Variants in ROBO2 observed in about 807,000 individuals in gnomAD.
ROBO2 encodes roundabout guidance receptor 2.
A neutral mutation model predicts 160.8 loss-of-function variants in ROBO2; 53 were observed. The ratio of observed to expected loss-of-function variants is 0.33; its 90% CI spans 0.26 to 0.41. ROBO2 has a LOEUF of 0.41. Ranked by LOEUF, ROBO2 falls within the 10% of genes least tolerant of loss-of-function variation. ROBO2 has a pLI of 1.00. For missense variants in ROBO2, 1,577 were observed against 1,722.4 expected (o/e 0.92, Z 1.49); for synonymous variants, 664 against 611.7 (o/e 1.09, Z -1.26).
chr3:76,358,812 T>C (rs1256810180), intron 2 of ROBO2, among the ~76,000 whole-genome samples: 2 of 151,880 alleles, frequency 1.3e-5, no homozygotes, highest in African/African-American at 4.8e-5. Flanking sequence ...AGGGTACATG[T>C]GCACAATGTG....
At chr3:77,244,885 A>AG (rs386397109) in intron 2 of ROBO2, among the ~76,000 whole-genome samples, 1 of 150,932 alleles carries the variant, frequency 6.6e-6, no homozygotes, top group African/African-American at 2.4e-5. Flanking sequence ...CTCAAAAAAA[A>AG]AAAAAAGAAA....
In ROBO2 at chr3:76,058,589, CTTTTT is replaced by C. The variant is rs10676074; in HGVS notation, c.109+121008_109+121012del. ...CTATCACACGTCGAAACAGCAGAAA[CTTTTT>C]TTTTTTTTTTTTTTTTTTTTGCTAT... is the stretch of plus-strand genomic sequence containing the variant. On this transcript the variant is annotated intron_variant, in intron 2 of 26. Coordinates refer to the ROBO2 transcript ENST00000487694. Among the ~76,000 whole-genome samples the C allele has an allele frequency of 4.3e-3, 209 of 48,856 alleles. No individual in the cohort carries two copies. In the Middle Eastern group the frequency reaches 0.1, roughly 23 times the overall value. The allele number at this position is 48,856 out of a possible 152,430, so 32.1% of individuals were successfully genotyped here.
At chr3:75,939,085 G>C (rs75749474) in intron 2 of ROBO2, among the ~76,000 whole-genome samples, 1 of 149,532 alleles carries the variant, frequency 6.7e-6, no homozygotes, top group Admixed American at 6.7e-5. Flanking sequence ...TAGTGATCCA[G>C]CATGACGTGT....
chr3:77,646,715 A>T (rs2095414919), exon 26 of ROBO2: 1 of 152,412 alleles, frequency 6.6e-6, no homozygotes, highest in African/African-American at 2.4e-5. Context: ...CAATAAAAAA[A>T]ATAGTAGAAA....
intron 2 of ROBO2, among the ~76,000 whole-genome samples, chr3:76,441,649 AGTGT>A (rs1404808430): frequency 6.6e-6 from 1 of 151,972 alleles, no homozygotes; most frequent in Non-Finnish European, 1.5e-5. Flanking sequence ...AAACTGTGTG[AGTGT>A]GTATCCTCCC....
At chr3:77,371,114 C>G (rs2071691739) in intron 2 of ROBO2, among the ~76,000 whole-genome samples, 1 of 152,134 alleles carries the variant, frequency 6.6e-6, no homozygotes, top group South Asian at 2.1e-4. Flanking sequence ...GAAACTGAAT[C>G]AAGAATCAAA....
chr3:76,071,244 C>G (rs1413134525), intron 2 of ROBO2, among the ~76,000 whole-genome samples: 1 of 152,112 alleles, frequency 6.6e-6, no homozygotes, highest in Non-Finnish European at 1.5e-5. Flanking sequence ...TCCTCTTTGT[C>G]AAAACTGTTC....
intron 2 of ROBO2, among the ~76,000 whole-genome samples, chr3:76,735,191 C>T (rs2093689306): frequency 6.6e-6 from 1 of 152,146 alleles, no homozygotes; most frequent in South Asian, 2.1e-4. Context: ...AACCTAGGTG[C>T]TCATCAACAG....
At chr3:77,289,869 A>G (rs912070433) in intron 2 of ROBO2, among the ~76,000 whole-genome samples, 17 of 152,110 alleles carry the variant, frequency 1.1e-4, no homozygotes, top group African/African-American at 4.1e-4. Flanking sequence ...CATAAAGTAA[A>G]ATTAATGGTA....
chr3:76,509,786 T>C (rs757957718), intron 2 of ROBO2, among the ~76,000 whole-genome samples: 18 of 152,200 alleles, frequency 1.2e-4, no homozygotes, highest in Non-Finnish European at 2.2e-4. Flanking sequence ...ATTTAATTAA[T>C]GCCTCACTCA....
chr3:76,057,998 T>C (rs932478424), intron 2 of ROBO2, among the ~76,000 whole-genome samples: 13 of 152,208 alleles, frequency 8.5e-5, no homozygotes, highest in African/African-American at 2.4e-4. Context: ...TGATTATAAA[T>C]GGAACATGAG....
At chr3:77,475,434 A>G (rs369339690) in intron 2 of ROBO2, among the ~76,000 whole-genome samples, 1 of 152,122 alleles carries the variant, frequency 6.6e-6, no homozygotes, top group South Asian at 2.1e-4. Flanking sequence ...TTAAAAAAAA[A>G]TGGATTGTGG....
intron 2 of ROBO2, among the ~76,000 whole-genome samples, chr3:76,490,724 ACT>A (rs2079772710): frequency 6.6e-6 from 1 of 152,148 alleles, no homozygotes; most frequent in Non-Finnish European, 1.5e-5. Flanking sequence ...ACAGACAGAA[ACT>A]GTCAGATTTG....
intron 2 of ROBO2, among the ~76,000 whole-genome samples, chr3:76,635,792 G>A (rs1049441093): frequency 1.2e-4 from 18 of 152,332 alleles, no homozygotes; most frequent in African/African-American, 3.8e-4. Context: ...TCAAGTTTTA[G>A]AATTTAACAG....
At chr3:76,068,194 A>C (rs2068323907) in intron 2 of ROBO2, among the ~76,000 whole-genome samples, 1 of 152,174 alleles carries the variant, frequency 6.6e-6, no homozygotes, top group African/African-American at 2.4e-5. Flanking sequence ...AGAGGCCTGC[A>C]GGTGTCTGGT....
chr3:77,245,592 C>A (rs1222853371), intron 2 of ROBO2, among the ~76,000 whole-genome samples: 1 of 152,152 alleles, frequency 6.6e-6, no homozygotes, highest in Non-Finnish European at 1.5e-5. Flanking sequence ...CGTACTGACT[C>A]ATTTAGCTCA....
At chr3:76,445,007 G>C (rs964127276) in intron 2 of ROBO2, among the ~76,000 whole-genome samples, 16 of 152,008 alleles carry the variant, frequency 1.1e-4, no homozygotes, top group African/African-American at 3.9e-4. Context: ...GAAACATGCA[G>C]AATCAACATT....
At chr3:76,403,845 C>T (rs1178252083) in intron 2 of ROBO2, among the ~76,000 whole-genome samples, 1 of 151,382 alleles carries the variant, frequency 6.6e-6, no homozygotes, top group Non-Finnish European at 1.5e-5. Context: ...ATGTATACGC[C>T]GTGCCATATT....
chr3:77,545,011 T>A (rs1167749470), intron 6 of ROBO2, among the ~76,000 whole-genome samples: 3 of 152,030 alleles, frequency 2.0e-5, no homozygotes, highest in Non-Finnish European at 4.4e-5. Flanking sequence ...CATCCCTTTC[T>A]TTTATTTTCT....
Sources: allele counts gnomAD v4.1 joint callset (sites outside exome capture counted in the v4.1 genomes callset), GRCh38; gene constraint gnomAD v4.1.1; transcripts MANE v1.5; gene names NCBI Gene and HGNC (gene_info 2026-07-23, HGNC 2026-07-21).